Variants in ADAMTSL1 observed in about 807,000 individuals in gnomAD.
ADAMTSL1 encodes the protein ADAMTS-like protein 1.
Under a neutral mutation model 201.8 loss-of-function variants are expected in ADAMTSL1, and 126 were observed. The observed-to-expected ratio is 0.62, with a 90% CI of 0.54 to 0.72. The LOEUF is 0.72. Ranked by LOEUF, ADAMTSL1 falls within the 30% of genes least tolerant of loss-of-function variation. The probability of loss-of-function intolerance (pLI) is 0.00; values close to 1 mark genes in which losing one functional copy is unlikely to be tolerated. For synonymous variants in ADAMTSL1, 1,121 were observed against 903.4 expected (o/e 1.24, Z -4.32); for missense variants, 2,679 against 2,277.8 (o/e 1.18, Z -3.59).
At chr9:18,421,610 C>T (rs1282219326) in intron 2 of ADAMTSL1, among the ~76,000 whole-genome samples, 4 of 152,226 alleles carry the variant, frequency 2.6e-5, no homozygotes, top group Non-Finnish European at 5.9e-5. Context: ...CTCAACAGGT[C>T]CCCTGCTGTC....
At chr9:18,050,350 C>G (rs1475045118) in intron 1 of ADAMTSL1, among the ~76,000 whole-genome samples, 1 of 152,012 alleles carries the variant, frequency 6.6e-6, no homozygotes, top group East Asian at 1.9e-4. Context: ...TTTTATATAT[C>G]TATATCAAAT....
At chr9:18,641,195 T>C (rs556161592) in intron 7 of ADAMTSL1, among the ~76,000 whole-genome samples, 134 of 152,144 alleles carry the variant, frequency 8.8e-4, no homozygotes, top group African/African-American at 3.2e-3. Flanking sequence ...CACTACCTCT[T>C]ATTTCTTCTT....
intron 2 of ADAMTSL1, among the ~76,000 whole-genome samples, chr9:18,413,852 C>T (rs1262006290): frequency 6.6e-6 from 1 of 152,138 alleles, no homozygotes; most frequent in Non-Finnish European, 1.5e-5. Flanking sequence ...TCCAGCAGAG[C>T]TTTAAAATAA....
intron 23 of ADAMTSL1, among the ~76,000 whole-genome samples, chr9:18,849,090 T>C (rs1220394681): frequency 2.6e-5 from 4 of 152,220 alleles, no homozygotes; most frequent in African/African-American, 9.7e-5. Flanking sequence ...ACTTAGCCTA[T>C]CACACCTTAT....
intron 2 of ADAMTSL1, among the ~76,000 whole-genome samples, chr9:18,202,848 G>A (rs755915288): frequency 2.6e-5 from 4 of 152,002 alleles, no homozygotes; most frequent in Non-Finnish European, 5.9e-5. Flanking sequence ...ATGGAGAGAT[G>A]GATAAGAGAA....
intron 2 of ADAMTSL1, among the ~76,000 whole-genome samples, chr9:18,197,377 C>T (rs979551031): frequency 5.5e-5 from 8 of 146,242 alleles, no homozygotes; most frequent in Non-Finnish European, 1.0e-4. Context: ...TGTAGTTCTC[C>T]TTGAAGAGGT....
At chr9:18,141,117 C>A (rs144685445) in intron 1 of ADAMTSL1, among the ~76,000 whole-genome samples, 1 of 152,148 alleles carries the variant, frequency 6.6e-6, no homozygotes. Context: ...GCCCTGGGCT[C>A]GAAGCTAGTA....
chr9:18,338,320 G>A (rs931926900), intron 2 of ADAMTSL1, among the ~76,000 whole-genome samples: 6 of 151,990 alleles, frequency 3.9e-5, no homozygotes, highest in Admixed American at 1.3e-4. Context: ...TCCACCTTCG[G>A]CCCCTTTCCT....
intron 1 of ADAMTSL1, among the ~76,000 whole-genome samples, chr9:18,072,267 G>A (rs1432621080): frequency 6.6e-6 from 1 of 152,100 alleles, no homozygotes; most frequent in Non-Finnish European, 1.5e-5. Flanking sequence ...CCACTGTTAT[G>A]CGAAACATGA....
At chr9:18,473,934 G>T, upstream of ADAMTSL1, 3 of 379,602 alleles carry the variant, frequency 7.9e-6, no homozygotes, top group South Asian at 1.5e-4. Context: ...TTTCTTTTTC[G>T]TCCTTTTCCC....
chr9:18,382,672 A>C (rs1587027300), intron 2 of ADAMTSL1, among the ~76,000 whole-genome samples: 1 of 152,156 alleles, frequency 6.6e-6, no homozygotes, highest in Admixed American at 6.5e-5. Context: ...GAAGGAGACC[A>C]GGGCTTCAGG....
chr9:18,679,365 A>G (rs1460344758), intron 10 of ADAMTSL1, among the ~76,000 whole-genome samples: 1 of 152,106 alleles, frequency 6.6e-6, no homozygotes, highest in Admixed American at 6.5e-5. Flanking sequence ...GACCAGCTCA[A>G]CTCAGTCCCA....
intron 3 of ADAMTSL1, among the ~76,000 whole-genome samples, chr9:18,556,982 G>T (rs929231479): frequency 2.0e-5 from 3 of 151,898 alleles, no homozygotes; most frequent in Admixed American, 6.6e-5. Context: ...CCATGAACTT[G>T]GGTATCTGTA....
chr9:18,294,511 C>A (rs1216287156), intron 2 of ADAMTSL1, among the ~76,000 whole-genome samples: 2 of 152,110 alleles, frequency 1.3e-5, no homozygotes, highest in Non-Finnish European at 2.9e-5. Flanking sequence ...ATTCATCTGT[C>A]CAGGTGGGTT....
chr9:18,600,027 A>C (rs1824533761), intron 4 of ADAMTSL1, among the ~76,000 whole-genome samples: 1 of 147,186 alleles, frequency 6.8e-6, no homozygotes, highest in Admixed American at 6.8e-5. Context: ...AAAAATTCGG[A>C]TCTGCAGCAT....
chr9:18,430,192 T>C (rs1272079551), intron 2 of ADAMTSL1, among the ~76,000 whole-genome samples: 3 of 152,110 alleles, frequency 2.0e-5, no homozygotes, highest in Non-Finnish European at 4.4e-5. Flanking sequence ...AGGTCCAGAG[T>C]TGGGCCTGAG....
At chr9:18,216,231 C>T (rs867194859) in intron 2 of ADAMTSL1, among the ~76,000 whole-genome samples, 2 of 152,156 alleles carry the variant, frequency 1.3e-5, no homozygotes, top group Non-Finnish European at 2.9e-5. Context: ...GTCAAAACTG[C>T]TCATATACAC....
rs547848134 is a variant in ADAMTSL1, at chr9:18,578,934, G to T, written c.474+4668G>T. 1.2e-3 allele frequency among the ~76,000 whole-genome samples: 183 copies of T among 151,376 alleles called. 1 individual carries two copies. The highest frequency in any genetic ancestry group is 2.5e-3 in the South Asian group (12 of 4,706). On this transcript the variant is annotated intron_variant, in intron 4 of 28. Transcript: ENST00000380548. ...ATGATTGCCATTCTAACTGGTGTGA[G>T]ATGATATCTCATAGTGGTTTTGATT...
intron 1 of ADAMTSL1, among the ~76,000 whole-genome samples, chr9:18,144,916 A>G (rs537322791): frequency 1.1e-4 from 17 of 152,280 alleles, no homozygotes; most frequent in African/African-American, 3.6e-4. Flanking sequence ...CATGATAAAG[A>G]TATTTTCCTT....
Sources: allele counts gnomAD v4.1 joint callset (sites outside exome capture counted in the v4.1 genomes callset), GRCh38; gene constraint gnomAD v4.1.1; transcripts MANE v1.5; gene names NCBI Gene and HGNC (gene_info 2026-07-23, HGNC 2026-07-21).